SH3BP2: variants seen among roughly 807,000 people sequenced by gnomAD.
SH3BP2 encodes the protein SH3 domain-binding protein 2.
A neutral mutation model predicts 56.2 loss-of-function variants in SH3BP2; 38 were observed. The ratio of observed to expected loss-of-function variants is 0.68; its 90% CI spans 0.52 to 0.89. SH3BP2 has a LOEUF of 0.89. Among genes scored for constraint, SH3BP2 ranks in the 40% least tolerant of loss-of-function variants. The pLI, the probability that SH3BP2 is intolerant of heterozygous loss-of-function variation, is 0.00. For synonymous variants in SH3BP2, 346 were observed against 316.7 expected (o/e 1.09, Z -0.98); for missense variants, 748 against 762.6 (o/e 0.98, Z 0.23).
chr4:2,809,736 G>C lies in SH3BP2; in HGVS notation c.-4-10878G>C, dbSNP rs989849886. ...TGCCTTACTCCTGAGCGGGCTGAAG[G>C]CTCCCAGAACCCAGTGAAAGCTCCC... On this transcript the variant is annotated intron_variant, in intron 1 of 12. Coordinates refer to ENST00000503393, the MANE Select transcript of SH3BP2 (RefSeq NM_001122681.2). The C allele has an allele frequency of 5.2e-6, 5 of 967,190 alleles. No individual in the cohort carries two copies. The African/African-American group carries it at 5.3e-5, about 10-fold the overall frequency. The allele number at this position is 967,190 out of a possible 1,614,324, so 59.9% of individuals were successfully genotyped here.
intron 8 of SH3BP2, among the ~76,000 whole-genome samples, chr4:2,830,364 G>GA (rs1553807247): frequency 6.6e-6 from 1 of 150,470 alleles, no homozygotes; most frequent in African/African-American, 2.5e-5. Flanking sequence ...GAAATGCTTT[G>GA]TTTTTTTTTC....
rs756724332 is a variant in SH3BP2 at position 2,829,571 on chromosome 4, G to A, written c.665G>A (p.Arg222Gln). Residue 222 changes from arginine to glutamine, a missense_variant, in exon 8 of 13, where the codon CGG becomes CAG. Transcript: ENST00000503393. The surrounding 1 kb of genome is among the most constrained non-coding windows in gnomAD (Gnocchi z 4.9). Reference protein sequence around the residue: ...PRKPAFSDMPRAHSFTSKGPG... With the variant: ...PRKPAFSDMPQAHSFTSKGPG... ...AAGCCAGCCTTCTCTGACATGCCCC[G>A]GGCCCACTCCTTTACCTCCAAGGGC... The A allele has an allele frequency of 4.3e-6, 7 of 1,612,266 alleles. No individual in the cohort carries two copies. The highest frequency in any genetic ancestry group is 1.1e-5 in the South Asian group (1 of 91,012).
At chr4:2,825,287 C>A (rs1215470276) in intron 5 of SH3BP2, 91 bp downstream of exon 5, 7 of 1,083,130 alleles carry the variant, frequency 6.5e-6, no homozygotes, top group African/African-American at 1.6e-5. Flanking sequence ...CCGGGCTTGG[C>A]ATAGAATTCC....
At chr4:2,812,606 T>G in intron 1 of SH3BP2, 1 of 1,240,478 alleles carries the variant, frequency 8.1e-7, no homozygotes, top group Non-Finnish European at 1.1e-6. Flanking sequence ...CCACAGGAGG[T>G]GGCCCTGAGC....
At chr4:2,801,852 A>C (rs381101) in intron 1 of SH3BP2, among the ~76,000 whole-genome samples, 74,428 of 152,134 alleles carry the variant, frequency 0.49, 18,378 homozygotes, top group Admixed American at 0.57. Context: ...TCATGCCTGT[A>C]ATCCCAGCAC....
At chr4:2,805,827 G>T (rs1291241058) in intron 1 of SH3BP2, among the ~76,000 whole-genome samples, 2 of 152,180 alleles carry the variant, frequency 1.3e-5, no homozygotes, top group African/African-American at 4.8e-5. Flanking sequence ...GGGCAGAGGA[G>T]GTGGAGAGGG....
At chr4:2,801,477 C>G in intron 1 of SH3BP2, among the ~76,000 whole-genome samples, 2 of 152,356 alleles carry the variant, frequency 1.3e-5, no homozygotes, top group South Asian at 4.1e-4. Flanking sequence ...TTGCCTCCCT[C>G]TTGCTCCTGG....
chr4:2,818,256 G>T (rs1353670263), intron 1 of SH3BP2: 1 of 1,000,450 alleles, frequency 1.0e-6, no homozygotes, highest in East Asian at 1.0e-4. Flanking sequence ...CGCGGAGCTG[G>T]GGCCGGCGGG....
At chr4:2,832,471 G>T (rs1226253951) in intron 11 of SH3BP2, 59 bp downstream of exon 11, 3 of 1,368,780 alleles carry the variant, frequency 2.2e-6, no homozygotes, top group Non-Finnish European at 3.1e-6. Flanking sequence ...CCCAGGCTGT[G>T]GGTGGGCCCA....
At chr4:2,820,578 C>T (rs748027906) in intron 1 of SH3BP2, 36 bp from the exon 2 acceptor site, 15 of 1,613,924 alleles carry the variant, frequency 9.3e-6, no homozygotes, top group African/African-American at 2.7e-5. Context: ...CCTGCCTGAC[C>T]GTAGCTGAGC....
rs1725002473 is a variant in SH3BP2, at chr4:2,831,807, G to C, written c.1351-116G>C. Reference sequence around the variant, plus strand: ...ACCCCCCGAGAACCCGGGAGCCTAGGGGGACACAGCACCATGTAAAGCCCC... The same window carrying C: ...ACCCCCCGAGAACCCGGGAGCCTAGCGGGACACAGCACCATGTAAAGCCCC... On this transcript the variant is annotated intron_variant, in intron 9 of 12. Transcript: ENST00000503393. The surrounding 1 kb of genome is among the most constrained non-coding windows in gnomAD (Gnocchi z 4.1). The C allele has an allele frequency of 4.3e-6, 6 of 1,379,972 alleles. No individual in the cohort carries two copies. The highest frequency in any genetic ancestry group is 6.1e-6 in the Non-Finnish European group (6 of 987,178). The allele number at this position is 1,379,972 out of a possible 1,614,324, so 85.5% of individuals were successfully genotyped here. A position where few individuals can be genotyped will look rare whatever the true frequency, so the allele number is the denominator to read the frequency against.
rs1249691806 is a variant in SH3BP2 at position 2,835,006 on chromosome 4, A to C, written c.*1172A>C. 6.6e-6 allele frequency: 1 copy of C among 152,334 alleles called. No homozygotes were observed. The highest frequency in any genetic ancestry group is 1.5e-5 in the Non-Finnish European group (1 of 68,156). The allele number at this position is 152,334 out of a possible 1,614,324, so 9.4% of individuals were successfully genotyped here. ...CAATACCTGGCTCAGGCCCAGCCCC[A>C]ATCCATCCCCTTACTTTCTGCCATG... On this transcript the variant is annotated 3_prime_UTR_variant, in exon 13 of 13. Transcript: ENST00000503393.
rs1560119706 is a variant in SH3BP2 at position 2,840,108 on chromosome 4, C to T, written c.*6274C>T. 6.6e-6 allele frequency: 1 copy of T among 151,494 alleles called. No individual in the cohort carries two copies. The highest frequency in any genetic ancestry group is 1.5e-5 in the Non-Finnish European group (1 of 67,930). The allele number at this position is 151,494 out of a possible 1,614,324, so 9.4% of individuals were successfully genotyped here. A position where few individuals can be genotyped will look rare whatever the true frequency, so the allele number is the denominator to read the frequency against. On this transcript the variant is annotated 3_prime_UTR_variant, in exon 13 of 13. Transcript: ENST00000503393. ...GACATGGTGGTGCGTGCCTGTAGTC[C>T]CAGCTACTCAGGTGGCTGGGGTGAG...
In SH3BP2 at chr4:2,825,243, G is replaced by A. The variant is rs201642600; in HGVS notation, c.428+47G>A. Reference sequence around the variant, plus strand: ...ACCGGGCAGTGAGGGTCCCTGGGGCGCCTGGGCCTGACCCGGGTGTCCGCC... The same window carrying A: ...ACCGGGCAGTGAGGGTCCCTGGGGCACCTGGGCCTGACCCGGGTGTCCGCC... On this transcript the variant is annotated intron_variant, in intron 5 of 12. Coordinates refer to ENST00000503393, the MANE Select transcript of SH3BP2 (RefSeq NM_001122681.2). 247 of 1,478,116 alleles carry A rather than the reference G, an allele frequency of 1.7e-4. No individual in the cohort carries two copies. In the African/African-American group the frequency reaches 3.1e-3, roughly 18 times the overall value. 91.6% of individuals were successfully genotyped at this position (1,478,116 alleles called of 1,614,324 possible).
At chr4:2,808,040 G>A (rs990460147) in intron 1 of SH3BP2, among the ~76,000 whole-genome samples, 1 of 152,196 alleles carries the variant, frequency 6.6e-6, no homozygotes, top group Non-Finnish European at 1.5e-5. Flanking sequence ...GTGAGTCCCC[G>A]TGTGGATTCA....
intron 1 of SH3BP2, among the ~76,000 whole-genome samples, chr4:2,817,041 T>G (rs1375610887): frequency 6.6e-6 from 1 of 152,242 alleles, no homozygotes; most frequent in Non-Finnish European, 1.5e-5. Context: ...AGTTTCAACT[T>G]TAGGCTGTGG....
intron 1 of SH3BP2, among the ~76,000 whole-genome samples, chr4:2,815,824 G>A (rs1421036228): frequency 6.6e-6 from 1 of 152,196 alleles, no homozygotes; most frequent in Admixed American, 6.5e-5. Context: ...CTGAGCTGGT[G>A]AGGATGGGAG....
chr4:2,800,653 AG>A (rs1723235597), intron 1 of SH3BP2, among the ~76,000 whole-genome samples: 1 of 151,940 alleles, frequency 6.6e-6, no homozygotes, highest in African/African-American at 2.4e-5. Flanking sequence ...GAGGCTGGGC[AG>A]GCAGGAGAGC....
chr4:2,823,074 A>T (rs761933324), intron 3 of SH3BP2, 37 bp downstream of exon 3: 1 of 1,466,698 alleles, frequency 6.8e-7, no homozygotes, highest in South Asian at 1.2e-5. Context: ...TCGGGCCCCC[A>T]CAGCCAGCGG....
Sources: allele counts gnomAD v4.1 joint callset (sites outside exome capture counted in the v4.1 genomes callset), GRCh38; gene constraint gnomAD v4.1.1; non-coding constraint Gnocchi (gnomAD v3.1); transcripts MANE v1.5; gene names NCBI Gene and HGNC (gene_info 2026-07-23, HGNC 2026-07-21).